The following PELI2 variants were observed in gnomAD, a reference collection of about 807,000 sequenced individuals.
PELI2 encodes the protein E3 ubiquitin-protein ligase pellino homolog 2.
Under a neutral mutation model 42.3 loss-of-function variants are expected in PELI2, and 23 were observed. That is an observed-to-expected ratio of 0.54 (90% CI 0.39 to 0.77). The LOEUF (loss-of-function observed/expected upper bound fraction) is 0.77, where lower values mean the gene tolerates loss of function less well. Ranked by LOEUF, PELI2 falls within the 30% of genes least tolerant of loss-of-function variation. The probability of loss-of-function intolerance (pLI) is 0.00; values close to 1 mark genes in which losing one functional copy is unlikely to be tolerated. For missense variants in PELI2, 463 were observed against 553.2 expected, an observed-to-expected ratio of 0.84 and a Z score of 1.64; for synonymous variants, 245 against 212.2, an observed-to-expected ratio of 1.15 and a Z score of -1.34.
At chr14:56,164,389 C>T (rs1000734033) in intron 1 of PELI2, among the ~76,000 whole-genome samples, 7 of 152,066 alleles carry the variant, frequency 4.6e-5, no homozygotes, top group African/African-American at 1.7e-4. Flanking sequence ...AGGAATAAAT[C>T]CCACTTGGTC....
chr14:56,136,978 G>C (rs1310485629), intron 1 of PELI2, among the ~76,000 whole-genome samples: 3 of 152,194 alleles, frequency 2.0e-5, no homozygotes, highest in Non-Finnish European at 4.4e-5. Context: ...TTGCCTTCTA[G>C]TTAGAGGTGA....
At position 56,279,670 on chromosome 14, in the gene PELI2, T is replaced by A; in HGVS notation, c.208-6T>A. 6.6e-7 allele frequency: 1 copy of A among 1,510,146 alleles called. No homozygotes were observed. Among genetic ancestry groups the A allele is most frequent in the Non-Finnish European group, 9.1e-7 (1 of 1,097,350 alleles). The allele number at this position is 1,510,146 out of a possible 1,614,324, so 93.5% of individuals were successfully genotyped here. A position where few individuals can be genotyped will look rare whatever the true frequency, so the allele number is the denominator to read the frequency against. On this transcript the variant is annotated splice_region_variant and splice_polypyrimidine_tract_variant and intron_variant, in intron 2 of 5. Coordinates refer to ENST00000267460, the MANE Select transcript of PELI2 (RefSeq NM_021255.3). ...GTAATGGATTTTTTTAAAATTTTAT[T>A]ATTAGGCTATCAGCTGCAAAGGTCA...
At chr14:56,131,734 T>C (rs934395767) in intron 1 of PELI2, among the ~76,000 whole-genome samples, 2 of 152,200 alleles carry the variant, frequency 1.3e-5, no homozygotes, top group Non-Finnish European at 1.5e-5. Context: ...TAGTAATTTG[T>C]TTCCTCCTCT....
intron 2 of PELI2, among the ~76,000 whole-genome samples, chr14:56,215,380 G>A (rs1485384485): frequency 6.6e-6 from 1 of 152,188 alleles, no homozygotes; most frequent in Non-Finnish European, 1.5e-5. Context: ...CCCGCCGGGG[G>A]AGCATGCTGC....
intron 1 of PELI2, among the ~76,000 whole-genome samples, chr14:56,134,794 C>CTTTTTTTTTTTTT (rs1883627972): frequency 7.3e-6 from 1 of 137,450 alleles, no homozygotes. Flanking sequence ...TTTTTTTTTG[C>CTTTTTTTTTTTTT]TGGAGAGAGT....
chr14:56,178,205 T>G, intron 1 of PELI2, 130 bp from the exon 2 acceptor site: 2 of 832,768 alleles, frequency 2.4e-6, no homozygotes, highest in Middle Eastern at 2.7e-4. Context: ...ACCCTTTCCT[T>G]TTGTGGAGTG....
chr14:56,234,709 G>C (rs568560444), intron 2 of PELI2, among the ~76,000 whole-genome samples: 21 of 152,108 alleles, frequency 1.4e-4, no homozygotes, highest in South Asian at 1.0e-3. Flanking sequence ...ATGTAACAAA[G>C]CTGCACATTG....
At chr14:56,231,253 C>G (rs1887558514) in intron 2 of PELI2, among the ~76,000 whole-genome samples, 1 of 152,140 alleles carries the variant, frequency 6.6e-6, no homozygotes, top group African/African-American at 2.4e-5. Context: ...CTGCACCAAG[C>G]AGACCTAATA....
chr14:56,292,926 A>C, intron 5 of PELI2: 1 of 609,014 alleles, frequency 1.6e-6, no homozygotes, highest in Non-Finnish European at 2.1e-6. Flanking sequence ...ATTATATATG[A>C]AGTATTTTAT....
At chr14:56,145,909 G>A (rs139682905) in intron 1 of PELI2, among the ~76,000 whole-genome samples, 2 of 152,270 alleles carry the variant, frequency 1.3e-5, no homozygotes, top group East Asian at 3.9e-4. Context: ...GTAGAAACCT[G>A]TAACTAGGAG....
chr14:56,159,263 GC>G (rs1286887946), intron 1 of PELI2, among the ~76,000 whole-genome samples: 1 of 152,170 alleles, frequency 6.6e-6, no homozygotes, highest in Non-Finnish European at 1.5e-5. Context: ...GTGGCTTTGC[GC>G]CTGCTGTGTG....
intron 2 of PELI2, among the ~76,000 whole-genome samples, chr14:56,253,753 A>G (rs1888432037): frequency 6.6e-6 from 1 of 152,198 alleles, no homozygotes; most frequent in Non-Finnish European, 1.5e-5. Flanking sequence ...AAGACTCAAT[A>G]TCGTGAAAAT....
chr14:56,152,333 T>C (rs1274448858), intron 1 of PELI2, among the ~76,000 whole-genome samples: 1 of 152,130 alleles, frequency 6.6e-6, no homozygotes, highest in Non-Finnish European at 1.5e-5. Flanking sequence ...TTCACGGGGT[T>C]ATAGGGGAGG....
chr14:56,137,687 T>C (rs752504662), intron 1 of PELI2, among the ~76,000 whole-genome samples: 1 of 152,164 alleles, frequency 6.6e-6, no homozygotes, highest in Admixed American at 6.5e-5. Context: ...CCATCAGTTG[T>C]TTAAAAAGCA....
intron 2 of PELI2, among the ~76,000 whole-genome samples, chr14:56,269,485 T>C (rs1889023337): frequency 6.6e-6 from 1 of 152,104 alleles, no homozygotes; most frequent in Non-Finnish European, 1.5e-5. Flanking sequence ...GTTGACTTAA[T>C]ACGTTCTAAA....
chr14:56,118,886 C>A (rs1882951888), intron 1 of PELI2, 149 bp downstream of exon 1: 3 of 450,074 alleles, frequency 6.7e-6, no homozygotes, highest in Non-Finnish European at 7.3e-6. Flanking sequence ...CGGACGGCGG[C>A]GCGGGGGCGG....
intron 1 of PELI2, among the ~76,000 whole-genome samples, chr14:56,130,905 T>C (rs2139587506): frequency 6.6e-6 from 1 of 152,346 alleles, no homozygotes; most frequent in South Asian, 2.1e-4. Context: ...GAAATCTTTC[T>C]TCTTGCTTTT....
intron 5 of PELI2, among the ~76,000 whole-genome samples, chr14:56,295,693 G>T (rs1395244761): frequency 1.3e-5 from 2 of 152,188 alleles, no homozygotes; most frequent in Non-Finnish European, 2.9e-5. Flanking sequence ...GGAAACTGAG[G>T]CACGAGGAGT....
At chr14:56,213,353 G>A (rs1375626027) in intron 2 of PELI2, among the ~76,000 whole-genome samples, 1 of 152,192 alleles carries the variant, frequency 6.6e-6, no homozygotes, top group East Asian at 1.9e-4. Context: ...GCACAGTGGA[G>A]GCAGAAGGAG....
Sources: gnomAD v4.1 joint callset for allele counts (sites outside exome capture counted in the v4.1 genomes callset) on GRCh38, gnomAD v4.1.1 for gene constraint, MANE v1.5 for transcripts, NCBI Gene and HGNC (gene_info 2026-07-23, HGNC 2026-07-21) for gene names.